Variants in CALN1 observed in about 807,000 individuals in gnomAD.
The protein encoded by CALN1 is calneuron 1.
Under a neutral mutation model 30.6 loss-of-function variants are expected in CALN1, and 17 were observed. That is an observed-to-expected ratio of 0.56 (90% confidence interval 0.38 to 0.83). CALN1 has a LOEUF of 0.83. Ranked by LOEUF, CALN1 falls within the 40% of genes least tolerant of loss-of-function variation. CALN1 has a pLI of 0.00. For missense variants in CALN1, 291 were observed against 354.9 expected, an observed-to-expected ratio of 0.82 and a Z score of 1.45; for synonymous variants, 156 against 131.4, an observed-to-expected ratio of 1.19 and a Z score of -1.28.
chr7:72,188,765 T>C (rs1462909659), intron 3 of CALN1, among the ~76,000 whole-genome samples: 3 of 152,164 alleles, frequency 2.0e-5, no homozygotes, highest in Non-Finnish European at 4.4e-5. Context: ...CATCCTGCAA[T>C]ATTTTATTAG....
chr7:71,883,896 C>T (rs552969408), intron 5 of CALN1, among the ~76,000 whole-genome samples: 7 of 152,126 alleles, frequency 4.6e-5, no homozygotes, highest in Non-Finnish European at 1.0e-4. Flanking sequence ...TCCTGAGAAA[C>T]TGGATATATC....
intron 3 of CALN1, among the ~76,000 whole-genome samples, chr7:72,119,073 T>C (rs1188331490): frequency 6.6e-6 from 1 of 152,210 alleles, no homozygotes; most frequent in Non-Finnish European, 1.5e-5. Context: ...ACTTTCTGTG[T>C]GGTGAGATTA....
At chr7:72,093,131 C>A (rs116135753) in intron 4 of CALN1, among the ~76,000 whole-genome samples, 2,931 of 152,206 alleles carry the variant, frequency 0.019, 94 homozygotes, top group African/African-American at 0.067. Context: ...TTAAAAAATT[C>A]TTCCTCTCAC....
At chr7:72,168,799 A>ATTTT (rs200219491) in intron 3 of CALN1, among the ~76,000 whole-genome samples, 40 of 112,436 alleles carry the variant, frequency 3.6e-4, no homozygotes, top group Middle Eastern at 4.2e-3. Context: ...TATTATTATT[A>ATTTT]TTATTATTTT....
chr7:71,905,299 T>A (rs1283329314), intron 5 of CALN1, among the ~76,000 whole-genome samples: 1 of 152,062 alleles, frequency 6.6e-6, no homozygotes, highest in East Asian at 1.9e-4. Flanking sequence ...GGCTTTTTGT[T>A]ATATGGATGA....
intron 4 of CALN1, among the ~76,000 whole-genome samples, chr7:72,078,383 C>T (rs971307147): frequency 1.3e-5 from 2 of 152,058 alleles, no homozygotes; most frequent in African/African-American, 4.8e-5. Flanking sequence ...TTTTGGTCCT[C>T]TTGGGTAGTT....
At chr7:72,391,607 T>C (rs959244159) in intron 2 of CALN1, among the ~76,000 whole-genome samples, 8 of 151,622 alleles carry the variant, frequency 5.3e-5, no homozygotes, top group African/African-American at 1.5e-4. Flanking sequence ...TGGGAGATAA[T>C]TGAATCATGG....
chr7:72,313,549 T>C (rs1165135901), intron 2 of CALN1, among the ~76,000 whole-genome samples: 1 of 152,072 alleles, frequency 6.6e-6, no homozygotes, highest in Non-Finnish European at 1.5e-5. Context: ...CGTACCACCA[T>C]GCCTGGCTCA....
At chr7:71,966,424 A>G (rs1309403116) in intron 5 of CALN1, among the ~76,000 whole-genome samples, 1 of 152,036 alleles carries the variant, frequency 6.6e-6, no homozygotes, top group Non-Finnish European at 1.5e-5. Flanking sequence ...ATGGGGGTGG[A>G]TTTCTTATGA....
In CALN1 at chr7:72,120,536, T is replaced by C. The variant is rs144307319; in HGVS notation, c.245-14242A>G. On this transcript the variant is annotated intron_variant, in intron 3 of 6. Coordinates refer to ENST00000395275, the MANE Select transcript of CALN1 (RefSeq NM_031468.4). ...AAATTGTCATGCATTTTCATGGCCA[T>C]TTCCTTAAGATGACTTCCTAGGAAT... Among the ~76,000 whole-genome samples, 489 of 152,294 alleles carry C rather than the reference T, an allele frequency of 3.2e-3. 2 individuals are homozygous for C. The highest frequency in any genetic ancestry group is 0.011 in the African/African-American group (453 of 41,562).
intron 3 of CALN1, among the ~76,000 whole-genome samples, chr7:72,188,504 G>T (rs187927908): frequency 6.6e-6 from 1 of 151,864 alleles, no homozygotes; most frequent in African/African-American, 2.4e-5. Flanking sequence ...TAAGCTATGA[G>T]GATTGAAAGG....
At chr7:71,951,065 C>T (rs907809432) in intron 5 of CALN1, among the ~76,000 whole-genome samples, 3 of 152,200 alleles carry the variant, frequency 2.0e-5, no homozygotes, top group Non-Finnish European at 2.9e-5. Context: ...TATTGCCTGT[C>T]TGCCCCATCT....
intron 2 of CALN1, among the ~76,000 whole-genome samples, chr7:72,380,219 T>C (rs756259401): frequency 1.3e-5 from 2 of 151,918 alleles, no homozygotes; most frequent in Non-Finnish European, 2.9e-5. Flanking sequence ...GCCCCACAAA[T>C]CAGCAAACGC....
chr7:72,462,946 C>A, the CALN1 span, among the ~76,000 whole-genome samples: 1 of 152,170 alleles, frequency 6.6e-6, no homozygotes, highest in South Asian at 2.1e-4. Context: ...CCACATCTTC[C>A]ATCAATGAAC....
At chr7:72,267,029 T>C (rs1302984555) in intron 3 of CALN1, among the ~76,000 whole-genome samples, 1 of 152,244 alleles carries the variant, frequency 6.6e-6, no homozygotes, top group Non-Finnish European at 1.5e-5. Flanking sequence ...ATGTGGCTCA[T>C]TCATTGCGTA....
At chr7:72,143,462 A>G (rs1199090158) in intron 3 of CALN1, among the ~76,000 whole-genome samples, 2 of 152,212 alleles carry the variant, frequency 1.3e-5, no homozygotes, top group Non-Finnish European at 2.9e-5. Context: ...CCTCCAAAAA[A>G]TATGGGACTA....
At chr7:72,161,136 A>G (rs1166735251) in intron 3 of CALN1, among the ~76,000 whole-genome samples, 1 of 152,200 alleles carries the variant, frequency 6.6e-6, no homozygotes, top group Non-Finnish European at 1.5e-5. Flanking sequence ...TTTTTTGACC[A>G]TGAGGAGAAA....
chr7:71,963,821 T>C (rs1562940363), intron 5 of CALN1, among the ~76,000 whole-genome samples: 1 of 152,182 alleles, frequency 6.6e-6, no homozygotes, highest in Non-Finnish European at 1.5e-5. Flanking sequence ...GCAATGAGAT[T>C]ATCACCATTT....
At chr7:72,154,382 G>A (rs771179670) in intron 3 of CALN1, among the ~76,000 whole-genome samples, 7 of 152,122 alleles carry the variant, frequency 4.6e-5, no homozygotes, top group Non-Finnish European at 8.8e-5. Flanking sequence ...TTCATTTGCC[G>A]TCAGTGAAAG....
Sources: gnomAD v4.1 joint callset for allele counts (sites outside exome capture counted in the v4.1 genomes callset) on GRCh38, gnomAD v4.1.1 for gene constraint, MANE v1.5 for transcripts, NCBI Gene and HGNC (gene_info 2026-07-23, HGNC 2026-07-21) for gene names.